Variants in NUTM2D observed in about 807,000 individuals in gnomAD.
NUTM2D encodes NUT family member 2A pseudogene.
In NUTM2D, 2 loss-of-function variants were observed where a neutral mutation model predicts 43.5. The observed-to-expected ratio is 0.05, with a 90% CI of 0.02 to 0.14. The LOEUF is 0.14. Ranked by LOEUF, NUTM2D falls within the 10% of genes least tolerant of loss-of-function variation. The pLI is 1.00. For missense variants in NUTM2D, 48 were observed against 668.7 expected (o/e 0.07, Z 10.24); for synonymous variants, 24 against 276.6 (o/e 0.09, Z 9.06).
At position 87,358,157 on chromosome 10, in the gene NUTM2D, G is replaced by C. The variant is rs775685115; in HGVS notation, c.-109G>C. 1.2e-6 allele frequency: 2 copies of C among 1,611,638 alleles called. No homozygotes were observed. Among genetic ancestry groups the C allele is most frequent in the African/African-American group, 1.3e-5 (1 of 74,874 alleles). The stretch of plus-strand genomic sequence containing the variant: ...CCATCTCTGCTGCTGCCTTCCAGTT[G>C]GAAGGGAAACTCAGGTTCTTGCCTA... On this transcript the variant is annotated 5_prime_UTR_variant, in exon 1 of 7. Transcript: ENST00000381697.
downstream of NUTM2D, chr10:87,369,430 CT>C (rs1258386231): frequency 6.6e-6 from 1 of 150,760 alleles, no homozygotes; most frequent in East Asian, 2.0e-4. Flanking sequence ...AAATACATTT[CT>C]TTTTTTAATA....
chr10:87,359,797 C>T (rs1396089487), intron 1 of NUTM2D, among the ~76,000 whole-genome samples: 53 of 149,132 alleles, frequency 3.6e-4, no homozygotes, highest in Non-Finnish European at 3.6e-4. Flanking sequence ...GAGTGGCAGC[C>T]GGGACCATCG....
At chr10:87,368,346 CCTT>C (rs1271731006), downstream of NUTM2D, 5 of 109,778 alleles carry the variant, frequency 4.6e-5, no homozygotes, top group Admixed American at 9.7e-5. Context: ...CTGGCCAACA[CCTT>C]CTTCTCCACG....
chr10:87,369,688 C>T (rs1159734972), downstream of NUTM2D: 1 of 151,398 alleles, frequency 6.6e-6, no homozygotes, highest in Non-Finnish European at 1.5e-5. Flanking sequence ...ATGATGTCAT[C>T]GCATCCACAC....
chr10:87,365,340 T>G, intron 5 of NUTM2D, 137 bp downstream of exon 5: 1 of 1,509,516 alleles, frequency 6.6e-7, no homozygotes, highest in Non-Finnish European at 8.9e-7. Flanking sequence ...TATGTGATTG[T>G]GTGTGTCTGT....
At chr10:87,367,329 C>G (rs746066637), downstream of NUTM2D, 15 of 1,560,704 alleles carry the variant, frequency 9.6e-6, no homozygotes, top group African/African-American at 2.1e-4. Flanking sequence ...TTCCTCCTGA[C>G]GTAGGGAGCC....
downstream of NUTM2D, chr10:87,370,379 GAC>G (rs1219225304): frequency 6.6e-6 from 1 of 152,224 alleles, no homozygotes; most frequent in Non-Finnish European, 1.5e-5. Flanking sequence ...GAAGGTGCCA[GAC>G]TGTTCCCAGT....
intron 2 of NUTM2D, among the ~76,000 whole-genome samples, chr10:87,361,559 C>A (rs560813718): frequency 0.011 from 587 of 52,828 alleles, 246 homozygotes; most frequent in African/African-American, 0.031. Context: ...CCAGGAGCAC[C>A]TCACATGGGG....
chr10:87,370,267 G>A (rs1365164535), downstream of NUTM2D: 1 of 151,998 alleles, frequency 6.6e-6, no homozygotes, highest in African/African-American at 2.4e-5. Context: ...AAGAACATTT[G>A]TGTACAAGGT....
At chr10:87,359,838 C>G (rs1227605066) in intron 1 of NUTM2D, among the ~76,000 whole-genome samples, 490 of 151,994 alleles carry the variant, frequency 3.2e-3, no homozygotes, top group Non-Finnish European at 5.3e-3. Flanking sequence ...CCGAATCTGA[C>G]CCCTATTTAG....
downstream of NUTM2D, chr10:87,369,452 C>T (rs1296578671): frequency 3.3e-5 from 5 of 150,390 alleles, no homozygotes; most frequent in African/African-American, 1.2e-4. Context: ...TGTGCCACCA[C>T]CCCCAAGTCT....
chr10:87,370,489 G>T (rs1164135909), downstream of NUTM2D: 1 of 152,166 alleles, frequency 6.6e-6, no homozygotes, highest in Non-Finnish European at 1.5e-5. Flanking sequence ...TTTTGATAAA[G>T]TCATCCTAGT....
downstream of NUTM2D, chr10:87,370,427 G>A (rs186242158): frequency 6.6e-6 from 1 of 152,200 alleles, no homozygotes; most frequent in African/African-American, 2.4e-5. Context: ...CTAGCTGTGT[G>A]AGGGTCCCAG....
At chr10:87,370,413 C>T (rs180826636), downstream of NUTM2D, 1 of 152,174 alleles carries the variant, frequency 6.6e-6, no homozygotes, top group African/African-American at 2.4e-5. Flanking sequence ...ATTTTATATA[C>T]CCACTAGCTG....
chr10:87,358,527 C>A, intron 1 of NUTM2D, 96 bp downstream of exon 1: 2 of 1,591,518 alleles, frequency 1.3e-6, no homozygotes, highest in Non-Finnish European at 1.7e-6. Context: ...GTTGATAGGG[C>A]TGATGTTGAG....
chr10:87,365,373 G>A (rs559211919), intron 5 of NUTM2D, among the ~76,000 whole-genome samples, 170 bp downstream of exon 5: 28 of 151,088 alleles, frequency 1.9e-4, no homozygotes, highest in African/African-American at 6.1e-4. Flanking sequence ...GTTTGTGTCT[G>A]TGGTTTGTTA....
chr10:87,367,561 A>C, downstream of NUTM2D: 1 of 593,942 alleles, frequency 1.7e-6, no homozygotes. Flanking sequence ...TGGGGAGAGG[A>C]GGCTGCTCCT....
chr10:87,367,400 C>T (rs778265247), downstream of NUTM2D: 8 of 1,595,036 alleles, frequency 5.0e-6, no homozygotes, highest in South Asian at 5.5e-5. Flanking sequence ...CCACCACCCA[C>T]TCACAAGGCC....
intron 1 of NUTM2D, among the ~76,000 whole-genome samples, chr10:87,359,984 G>C (rs1435347250): frequency 2.0e-5 from 3 of 150,106 alleles, no homozygotes; most frequent in African/African-American, 7.3e-5. Flanking sequence ...TCTGAGCTGG[G>C]AAAGAAAGGG....
Sources: gnomAD v4.1 joint callset for allele counts (sites outside exome capture counted in the v4.1 genomes callset) on GRCh38, gnomAD v4.1.1 for gene constraint, MANE v1.5 for transcripts, NCBI Gene and HGNC (gene_info 2026-07-23, HGNC 2026-07-21) for gene names.